RNF38: variants seen among roughly 807,000 people sequenced by gnomAD.
RNF38 encodes ring finger protein 38, also known as E3 ubiquitin-protein ligase RNF38.
RNF38 carries 15 observed loss-of-function variants against 67.2 expected under a neutral mutation model. The observed-to-expected ratio is 0.22, with a 90% CI of 0.15 to 0.34. The LOEUF (loss-of-function observed/expected upper bound fraction) is 0.34. RNF38 is among the 10% of genes least tolerant of loss of function. The probability of loss-of-function intolerance (pLI) is 1.00; values close to 1 mark genes in which losing one functional copy is unlikely to be tolerated. For missense variants in RNF38, 524 were observed against 639.9 expected (o/e 0.82, Z 1.95); for synonymous variants, 220 against 218.8 (o/e 1.01, Z -0.05).
chr9:36,404,947 G>C (rs1311541561), upstream of RNF38, among the ~76,000 whole-genome samples: 1 of 151,752 alleles, frequency 6.6e-6, no homozygotes, highest in African/African-American at 2.4e-5. Context: ...GAAAATTAAA[G>C]GAGTTCTCTG....
At chr9:36,373,572 G>A (rs1415494925) in intron 3 of RNF38, among the ~76,000 whole-genome samples, 5 of 147,286 alleles carry the variant, frequency 3.4e-5, no homozygotes, top group African/African-American at 1.3e-4. Context: ...GGTGGTGGGT[G>A]TATGTATTTG....
rs556160039 is a variant in RNF38 at position 36,478,931 on chromosome 9, T to G, written n.241+8377A>C. Among the ~76,000 whole-genome samples, 5 of 152,160 alleles carry G rather than the reference T, an allele frequency of 3.3e-5. No individual in the cohort carries two copies. In the South Asian group the frequency reaches 1.0e-3, roughly 32 times the overall value. On this transcript the variant is annotated intron_variant and non_coding_transcript_variant, in intron 1 of 3. Coordinates refer to the RNF38 transcript ENST00000488058. ...CTGGTAACACAAACATAAGGCAAAGTAGACCCAGATTTCTATATATTTTCC... is the reference window on the plus strand; with the variant it reads ...CTGGTAACACAAACATAAGGCAAAGGAGACCCAGATTTCTATATATTTTCC...
At chr9:36,383,541 C>G (rs1836363841) in intron 2 of RNF38, among the ~76,000 whole-genome samples, 1 of 152,138 alleles carries the variant, frequency 6.6e-6, no homozygotes, top group Admixed American at 6.5e-5. Flanking sequence ...GTTCAGTGAA[C>G]ATGCTGCCCT....
chr9:36,375,340 G>A (rs529617097), intron 3 of RNF38, among the ~76,000 whole-genome samples: 305 of 152,178 alleles, frequency 2.0e-3, no homozygotes, highest in African/African-American at 6.9e-3. Flanking sequence ...ACAGATGTGC[G>A]CCAACATCCT....
chr9:36,375,826 G>C (rs1835746776), intron 3 of RNF38, 108 bp downstream of exon 3: 2 of 966,898 alleles, frequency 2.1e-6, no homozygotes, highest in Admixed American at 2.9e-5. Flanking sequence ...GTGTATATGT[G>C]GTGATGTGTT....
At chr9:36,422,360 T>C (rs1044021957) in intron 2 of RNF38, among the ~76,000 whole-genome samples, 25 of 151,770 alleles carry the variant, frequency 1.6e-4, no homozygotes, top group African/African-American at 5.1e-4. Flanking sequence ...GAGGTTGCAG[T>C]GAGCCAAGAC....
At chr9:36,437,960 T>C (rs2134286290) in intron 1 of RNF38, among the ~76,000 whole-genome samples, 1 of 152,330 alleles carries the variant, frequency 6.6e-6, no homozygotes, top group Admixed American at 6.5e-5. Flanking sequence ...TTTTGGGTTC[T>C]TTGACACTGA....
At chr9:36,343,093 G>T (rs1224080367) in intron 10 of RNF38, among the ~76,000 whole-genome samples, 3 of 151,994 alleles carry the variant, frequency 2.0e-5, no homozygotes, top group African/African-American at 7.2e-5. Context: ...TTGTTATACT[G>T]TATTGTTCTT....
At chr9:36,345,010 CTTTTT>C (rs112159514) in intron 9 of RNF38, 57 bp from the exon 10 acceptor site, 2 of 1,284,924 alleles carry the variant, frequency 1.6e-6, no homozygotes, top group East Asian at 2.8e-5. Context: ...CATTCCAATA[CTTTTT>C]TTTTTTAAGA....
chr9:36,416,744 T>TTTTTTTTG (rs1564054499), intron 2 of RNF38, among the ~76,000 whole-genome samples: 9 of 107,370 alleles, frequency 8.4e-5, no homozygotes, highest in African/African-American at 3.8e-4. Context: ...GCCTCGATAT[T>TTTTTTTTG]TTTTTTTTTT....
At chr9:36,350,204 T>G (rs1383899068) in intron 9 of RNF38, among the ~76,000 whole-genome samples, 1 of 152,232 alleles carries the variant, frequency 6.6e-6, no homozygotes, top group African/African-American at 2.4e-5. Flanking sequence ...GTTGTGTTCC[T>G]TTCTATTCGC....
At chr9:36,477,446 TG>T (rs1393266232) in intron 1 of RNF38, among the ~76,000 whole-genome samples, 4 of 151,778 alleles carry the variant, frequency 2.6e-5, no homozygotes, top group Non-Finnish European at 4.4e-5. Context: ...GAGGCCAAGG[TG>T]GGAGGATCAC....
chr9:36,475,444 A>G (rs1840100752), intron 1 of RNF38, among the ~76,000 whole-genome samples: 1 of 151,580 alleles, frequency 6.6e-6, no homozygotes. Context: ...TGCAACCTCC[A>G]TCTCCTGGGT....
At chr9:36,381,284 TC>T (rs913931428) in intron 2 of RNF38, among the ~76,000 whole-genome samples, 3 of 150,694 alleles carry the variant, frequency 2.0e-5, no homozygotes, top group Admixed American at 2.0e-4. Context: ...AAAAATAAAA[TC>T]CCCCCCAAAT....
chr9:36,342,049 C>T (rs767988522), intron 11 of RNF38, among the ~76,000 whole-genome samples: 2 of 152,146 alleles, frequency 1.3e-5, no homozygotes, highest in Non-Finnish European at 2.9e-5. Context: ...AACTCTCAAA[C>T]TGTGGCCTAG....
chr9:36,414,763 C>G (rs1838418848), intron 2 of RNF38, among the ~76,000 whole-genome samples: 1 of 150,740 alleles, frequency 6.6e-6, no homozygotes, highest in Non-Finnish European at 1.5e-5. Context: ...GTCGAATTCT[C>G]TCAGCATTTG....
chr9:36,473,888 G>C (rs1840058898), intron 1 of RNF38, among the ~76,000 whole-genome samples: 1 of 148,638 alleles, frequency 6.7e-6, no homozygotes, highest in African/African-American at 2.5e-5. Context: ...TCAGGAGGCT[G>C]AGGCAGAGAA....
At chr9:36,410,638 C>A (rs1838298826) in intron 2 of RNF38, among the ~76,000 whole-genome samples, 1 of 152,200 alleles carries the variant, frequency 6.6e-6, no homozygotes, top group Non-Finnish European at 1.5e-5. Context: ...ATGCTGAGGC[C>A]TGCGGATAAG....
chr9:36,397,545 T>C (rs546337237), intron 1 of RNF38, among the ~76,000 whole-genome samples: 3 of 152,288 alleles, frequency 2.0e-5, no homozygotes, highest in Non-Finnish European at 4.4e-5. Flanking sequence ...GTTCCCACTC[T>C]TGAGTTAGGC....
Sources: allele counts gnomAD v4.1 joint callset (sites outside exome capture counted in the v4.1 genomes callset), GRCh38; gene constraint gnomAD v4.1.1; transcripts MANE v1.5; gene names NCBI Gene and HGNC (gene_info 2026-07-23, HGNC 2026-07-21).